PRLR: variants seen among roughly 807,000 people sequenced by gnomAD.
The protein encoded by PRLR is hPRL receptor.
PRLR carries 13 observed loss-of-function variants against 40.2 expected under a neutral mutation model. That is an observed-to-expected ratio of 0.32 (90% CI 0.21 to 0.51). The LOEUF (loss-of-function observed/expected upper bound fraction) is 0.51. Among genes scored for constraint, PRLR ranks in the 20% least tolerant of loss-of-function variants. The pLI is 0.97. For synonymous variants in PRLR, 269 were observed against 278.7 expected (o/e 0.97, Z 0.35); for missense variants, 656 against 747.3 (o/e 0.88, Z 1.42).
intron 1 of PRLR, among the ~76,000 whole-genome samples, chr5:35,216,605 C>T (rs904498766): frequency 1.3e-5 from 2 of 152,166 alleles, no homozygotes; most frequent in African/African-American, 4.8e-5. Flanking sequence ...CCATGGACAA[C>T]CTGGGACATA....
At chr5:35,115,837 C>T (rs962432983) in intron 2 of PRLR, among the ~76,000 whole-genome samples, 1 of 152,056 alleles carries the variant, frequency 6.6e-6, no homozygotes, top group African/African-American at 2.4e-5. Flanking sequence ...ATATAAAAGG[C>T]TGCAAAATGG....
intron 1 of PRLR, among the ~76,000 whole-genome samples, chr5:35,173,803 T>G (rs1022133783): frequency 6.6e-6 from 1 of 152,016 alleles, no homozygotes; most frequent in Non-Finnish European, 1.5e-5. Flanking sequence ...AAAGGGTAGT[T>G]TTTTTTTGTT....
At chr5:35,224,153 A>G (rs1158595409) in intron 1 of PRLR, among the ~76,000 whole-genome samples, 2 of 152,066 alleles carry the variant, frequency 1.3e-5, no homozygotes, top group Non-Finnish European at 2.9e-5. Context: ...CTAGAAGAAA[A>G]CTGCCGCCAT....
chr5:35,193,613 C>A (rs1775661880), intron 1 of PRLR, among the ~76,000 whole-genome samples: 1 of 152,278 alleles, frequency 6.6e-6, no homozygotes, highest in African/African-American at 2.4e-5. Context: ...GGTGAATTGT[C>A]AGACCCTCTG....
At chr5:35,118,249 G>C in intron 1 of PRLR, 127 bp from the exon 2 acceptor site, 1 of 271,426 alleles carries the variant, frequency 3.7e-6, no homozygotes, top group Non-Finnish European at 5.6e-6. Context: ...GACAGCTCTA[G>C]TGTTCTGGAA....
intron 5 of PRLR, among the ~76,000 whole-genome samples, chr5:35,077,170 G>A (rs1443575293): frequency 6.6e-6 from 1 of 152,152 alleles, no homozygotes; most frequent in Non-Finnish European, 1.5e-5. Context: ...ATATCATAAT[G>A]ACAGGATCAA....
At position 35,211,004 on chromosome 5, in the gene PRLR, C is replaced by T. The variant is rs568216555; in HGVS notation, c.-106+19264G>A. 2.0e-5 allele frequency among the ~76,000 whole-genome samples: 3 copies of T among 152,284 alleles called. No homozygotes were observed. The South Asian group carries it at 6.2e-4, about 32-fold the overall frequency. On this transcript the variant is annotated intron_variant, in intron 1 of 9. Coordinates refer to ENST00000618457, the MANE Select transcript of PRLR (RefSeq NM_000949.7). ...CTGGGACTACAGGCATGAGCCACTG[C>T]GCTCATCCTAACTAGAGATATTGGC...
At chr5:35,117,859 G>C (rs779083532) in intron 2 of PRLR, among the ~76,000 whole-genome samples, 4 of 152,170 alleles carry the variant, frequency 2.6e-5, no homozygotes, top group Admixed American at 6.5e-5. Context: ...AACAGAAAAG[G>C]ATGAACATCA....
intron 1 of PRLR, among the ~76,000 whole-genome samples, chr5:35,221,993 A>G (rs1304006981): frequency 2.0e-5 from 3 of 152,164 alleles, no homozygotes; most frequent in Admixed American, 2.0e-4. Flanking sequence ...CTCCCAACAC[A>G]TATAAAGGAT....
intron 1 of PRLR, among the ~76,000 whole-genome samples, chr5:35,134,972 T>G (rs927704742): frequency 6.6e-6 from 1 of 152,232 alleles, no homozygotes; most frequent in East Asian, 1.9e-4. Flanking sequence ...AAGCCATCTA[T>G]AACATTGGAC....
chr5:35,088,107 C>T lies in PRLR; in HGVS notation c.70+1444G>A, dbSNP rs527412510. On this transcript the variant is annotated intron_variant, in intron 3 of 9. Coordinates refer to ENST00000618457, the MANE Select transcript of PRLR (RefSeq NM_000949.7). ...AAGAGGATTCTCTAGGCAGAGCTGG[C>T]CAGAAAGAGGAATTTAGTGGAATGG... Among the ~76,000 whole-genome samples the T allele has an allele frequency of 2.6e-5, 4 of 152,206 alleles. No homozygotes were observed. In the East Asian group the frequency reaches 5.8e-4, roughly 22 times the overall value.
intron 1 of PRLR, among the ~76,000 whole-genome samples, chr5:35,187,304 G>A (rs1775468733): frequency 1.3e-5 from 2 of 152,122 alleles, no homozygotes; most frequent in South Asian, 2.1e-4. Flanking sequence ...GGGAGGCTGA[G>A]GCTGAAGAAT....
At chr5:35,173,819 T>C (rs1415261203) in intron 1 of PRLR, among the ~76,000 whole-genome samples, 6 of 151,922 alleles carry the variant, frequency 3.9e-5, no homozygotes, top group Non-Finnish European at 8.8e-5. Context: ...TTGTTGTTGT[T>C]TCTTTTCTTT....
intron 1 of PRLR, among the ~76,000 whole-genome samples, chr5:35,120,839 T>A (rs1773264668): frequency 6.6e-6 from 1 of 152,156 alleles, no homozygotes; most frequent in Non-Finnish European, 1.5e-5. Context: ...GTTGAGAGAG[T>A]TTTTCTTCAA....
intron 1 of PRLR, among the ~76,000 whole-genome samples, chr5:35,148,138 C>T (rs1397219759): frequency 6.6e-6 from 1 of 152,030 alleles, no homozygotes; most frequent in African/African-American, 2.4e-5. Context: ...TGCAATCTAC[C>T]CTTCTAAATA....
intron 1 of PRLR, chr5:35,130,275 C>G (rs1469154677): frequency 6.6e-6 from 1 of 152,114 alleles, no homozygotes; most frequent in Non-Finnish European, 1.5e-5. Context: ...TGGTTTACAG[C>G]TCATTTGCGG....
At chr5:35,175,200 A>C (rs1242719363) in intron 1 of PRLR, among the ~76,000 whole-genome samples, 1 of 152,168 alleles carries the variant, frequency 6.6e-6, no homozygotes, top group African/African-American at 2.4e-5. Flanking sequence ...GTGGGAAATA[A>C]TTAAATAATG....
chr5:35,119,384 T>A (rs927371904), intron 1 of PRLR, among the ~76,000 whole-genome samples: 96 of 143,288 alleles, frequency 6.7e-4, no homozygotes, highest in Middle Eastern at 3.6e-3. Context: ...TCTCTCTCTC[T>A]CTCACACACA....
Position 35,089,601 on chromosome 5 carries a change from G to A in PRLR, c.20C>T (p.Ser7Phe). 1.2e-6 allele frequency: 2 copies of A among 1,614,122 alleles called. No individual in the cohort carries two copies. The highest frequency in any genetic ancestry group is 1.7e-6 in the Non-Finnish European group (2 of 1,179,960). Reference sequence around the variant, plus strand: ...AAGTAGCAGAGTGAAAACGGTTGCAGATGCCACATTTTCCTTCATGTTGGC... The same window carrying A: ...AAGTAGCAGAGTGAAAACGGTTGCAAATGCCACATTTTCCTTCATGTTGGC... MKENVA[S>F]ATVFTLLLFL... Residue 7 changes from serine to phenylalanine, a missense_variant, in exon 3 of 10, where the codon TCT becomes TTT. Coordinates refer to ENST00000618457, the MANE Select transcript of PRLR (RefSeq NM_000949.7).
Sources: gnomAD v4.1 joint callset for allele counts (sites outside exome capture counted in the v4.1 genomes callset) on GRCh38, gnomAD v4.1.1 for gene constraint, MANE v1.5 for transcripts, NCBI Gene and HGNC (gene_info 2026-07-23, HGNC 2026-07-21) for gene names.